Variants in CTNNBL1 observed in about 807,000 individuals in gnomAD.
CTNNBL1 encodes catenin beta like 1, also known as beta-catenin-like protein 1.
In CTNNBL1, 31 loss-of-function variants were observed where a neutral mutation model predicts 72.7. That is an observed-to-expected ratio of 0.43 (90% confidence interval 0.32 to 0.58). CTNNBL1 has a LOEUF of 0.58. Among genes scored for constraint, CTNNBL1 ranks in the 20% least tolerant of loss-of-function variants. The pLI, the probability that CTNNBL1 is intolerant of heterozygous loss-of-function variation, is 0.08. For missense variants in CTNNBL1, 534 were observed against 725.1 expected (o/e 0.74, Z 3.03); for synonymous variants, 240 against 267.3 (o/e 0.90, Z 1.00).
rs1374804235 is a variant in CTNNBL1 at position 37,768,159 on chromosome 20, T to C, written c.750+115T>C. 6.5e-6 allele frequency: 5 copies of C among 769,994 alleles called. No homozygotes were observed. The African/African-American group carries it at 7.0e-5, about 11-fold the overall frequency. 47.7% of individuals were successfully genotyped at this position (769,994 alleles called of 1,614,324 possible). On this transcript the variant is annotated intron_variant, in intron 7 of 15. Transcript: ENST00000361383. ...GGCCATATGATCTAGTTTGGGAAGCTTCTGGTACCTCTTGCTTCTTTCTTC... is the reference window on the plus strand; with the variant it reads ...GGCCATATGATCTAGTTTGGGAAGCCTCTGGTACCTCTTGCTTCTTTCTTC...
At chr20:37,694,588 C>T (rs1370106176) in intron 1 of CTNNBL1, among the ~76,000 whole-genome samples, 2 of 152,128 alleles carry the variant, frequency 1.3e-5, no homozygotes, top group African/African-American at 4.8e-5. Context: ...CTCTTTGAAC[C>T]AAGTTTTTGT....
intron 4 of CTNNBL1, chr20:37,756,219 A>T (rs2073361653): frequency 6.6e-6 from 1 of 152,142 alleles, no homozygotes; most frequent in African/African-American, 2.4e-5. Context: ...TTCATTTGTT[A>T]CATGTTGGTT....
intron 6 of CTNNBL1, 65 bp from the exon 7 acceptor site, chr20:37,767,888 A>G (rs939595875): frequency 1.5e-4 from 196 of 1,302,258 alleles, no homozygotes; most frequent in South Asian, 1.1e-3. Context: ...TGTCATGGGA[A>G]GCAAGCTTGT....
At chr20:37,726,691 C>T (rs1356765538) in intron 1 of CTNNBL1, among the ~76,000 whole-genome samples, 1 of 152,116 alleles carries the variant, frequency 6.6e-6, no homozygotes, top group African/African-American at 2.4e-5. Context: ...TAGAAGGTTT[C>T]CTTTGACTTT....
At chr20:37,728,820 T>C (rs2122591164) in intron 1 of CTNNBL1, among the ~76,000 whole-genome samples, 1 of 152,270 alleles carries the variant, frequency 6.6e-6, no homozygotes, top group African/African-American at 2.4e-5. Flanking sequence ...CATGAGGAGC[T>C]AAAGATAAAG....
chr20:37,729,118 A>G (rs1204100040), intron 1 of CTNNBL1, among the ~76,000 whole-genome samples: 2 of 152,220 alleles, frequency 1.3e-5, no homozygotes, highest in Non-Finnish European at 1.5e-5. Flanking sequence ...CCAGGGTCTT[A>G]TATGACATAT....
chr20:37,801,549 C>T (rs2073823883), intron 10 of CTNNBL1, among the ~76,000 whole-genome samples: 1 of 151,806 alleles, frequency 6.6e-6, no homozygotes, highest in South Asian at 2.1e-4. Flanking sequence ...TATTTTTTTT[C>T]TTGAAAATAG....
Position 37,698,250 on chromosome 20 carries a change from T to C in CTNNBL1, c.30+4098T>C, listed in dbSNP as rs75524656. On this transcript the variant is annotated intron_variant, in intron 1 of 15. Coordinates refer to ENST00000361383, the MANE Select transcript of CTNNBL1 (RefSeq NM_030877.5). ...GGCTGAAACCTCCTAAGTCTGCTAC[T>C]GGAGAGCACTTTGATCTCGCCAGCC... Among the ~76,000 whole-genome samples the C allele has an allele frequency of 4.1e-3, 630 of 152,354 alleles. 5 individuals carry two copies. The highest frequency in any genetic ancestry group is 0.014 in the African/African-American group (598 of 41,576).
In CTNNBL1 at chr20:37,746,655, A is replaced by T. The variant is rs562977021; in HGVS notation, c.466+48A>T. 13 of 1,610,112 alleles carry T rather than the reference A, an allele frequency of 8.1e-6. No homozygotes were observed. In the East Asian group the frequency reaches 2.9e-4, roughly 36 times the overall value. ...AGTAGGAGAGCTGACATGGTGGGGA[A>T]GTGCTGTTACTCTTTCTCCTGTCTC... On this transcript the variant is annotated intron_variant, in intron 4 of 15. Transcript: ENST00000361383.
At chr20:37,740,267 G>A (rs1196161960) in intron 3 of CTNNBL1, among the ~76,000 whole-genome samples, 1 of 151,958 alleles carries the variant, frequency 6.6e-6, no homozygotes, top group Non-Finnish European at 1.5e-5. Context: ...AATTCTCACT[G>A]GTGCAGTGTC....
At chr20:37,809,030 C>A (rs924923881) in intron 11 of CTNNBL1, among the ~76,000 whole-genome samples, 3 of 147,924 alleles carry the variant, frequency 2.0e-5, no homozygotes, top group Admixed American at 2.0e-4. Flanking sequence ...TCTCTGCCCT[C>A]ATCATCTCTC....
chr20:37,786,781 T>TA (rs1052116802), intron 10 of CTNNBL1, among the ~76,000 whole-genome samples: 3 of 152,184 alleles, frequency 2.0e-5, no homozygotes, highest in Non-Finnish European at 2.9e-5. Flanking sequence ...CATTTCAGGT[T>TA]AAAAAATCTC....
intron 4 of CTNNBL1, chr20:37,751,221 A>C (rs1324618942): frequency 6.6e-6 from 1 of 152,008 alleles, no homozygotes; most frequent in Non-Finnish European, 1.5e-5. Context: ...TAATAATAAT[A>C]ATCCAGTAAT....
intron 1 of CTNNBL1, among the ~76,000 whole-genome samples, chr20:37,719,321 T>C (rs1039418459): frequency 2.0e-5 from 3 of 152,180 alleles, no homozygotes; most frequent in African/African-American, 7.2e-5. Flanking sequence ...GTTTAACTTG[T>C]CCTCTTCCCT....
At chr20:37,863,239 G>A (rs370460556) in intron 15 of CTNNBL1, among the ~76,000 whole-genome samples, 1 of 152,158 alleles carries the variant, frequency 6.6e-6, no homozygotes, top group East Asian at 1.9e-4. Flanking sequence ...GGGACATAGA[G>A]TATAAATGAT....
At chr20:37,702,600 C>T (rs1411933370) in intron 1 of CTNNBL1, among the ~76,000 whole-genome samples, 1 of 152,186 alleles carries the variant, frequency 6.6e-6, no homozygotes, top group East Asian at 1.9e-4. Flanking sequence ...AGGACCAGAA[C>T]AGATACAGAG....
chr20:37,718,084 G>T (rs1024824991), intron 1 of CTNNBL1, among the ~76,000 whole-genome samples: 85 of 151,900 alleles, frequency 5.6e-4, no homozygotes, highest in Non-Finnish European at 8.1e-4. Context: ...CCACAAAACC[G>T]CCATTGTCAT....
At position 37,802,986 on chromosome 20, in the gene CTNNBL1, C is replaced by T. The variant is rs756020064; in HGVS notation, c.1151C>T (p.Pro384Leu). The T allele has an allele frequency of 2.5e-6, 4 of 1,614,038 alleles. No individual in the cohort carries two copies. Among genetic ancestry groups the T allele is most frequent in the Non-Finnish European group, 3.4e-6 (4 of 1,180,002 alleles). ...ATTCTTGGCTTACGAACCATCTTTC[C>T]CCTCTTTATGAAATCTCCCAGGAAG... is the stretch of plus-strand genomic sequence containing the variant. The part of the protein sequence containing the change: ...VDILGLRTIF[P>L]LFMKSPRKIK... The change falls in exon 11 of 16, where the codon CCC becomes CTC. Residue 384 changes from proline to leucine, a missense_variant. By Grantham distance (98) the Pro-to-Leu change is moderately conservative. Transcript: ENST00000361383.
chr20:37,719,647 A>G (rs1304824253), intron 1 of CTNNBL1, among the ~76,000 whole-genome samples: 4 of 152,194 alleles, frequency 2.6e-5, no homozygotes, highest in Non-Finnish European at 4.4e-5. Flanking sequence ...CATATACGTG[A>G]CACTCATTGG....
Sources: allele counts gnomAD v4.1 joint callset (sites outside exome capture counted in the v4.1 genomes callset), GRCh38; gene constraint gnomAD v4.1.1; transcripts MANE v1.5; gene names NCBI Gene and HGNC (gene_info 2026-07-23, HGNC 2026-07-21).